Variants in CTNNA2 observed in about 807,000 individuals in gnomAD.
The protein encoded by CTNNA2 is catenin alpha-2.
Under a neutral mutation model 101.0 loss-of-function variants are expected in CTNNA2, and 42 were observed. That is an observed-to-expected ratio of 0.42 (90% CI 0.32 to 0.54). CTNNA2 has a LOEUF of 0.54. Among genes scored for constraint, CTNNA2 ranks in the 20% least tolerant of loss-of-function variants. CTNNA2 has a pLI of 0.14. For synonymous variants in CTNNA2, 450 were observed against 456.4 expected, an observed-to-expected ratio of 0.99 and a Z score of 0.18; for missense variants, 871 against 1,223.1, an observed-to-expected ratio of 0.71 and a Z score of 4.29.
intron 3 of CTNNA2, among the ~76,000 whole-genome samples, chr2:79,346,375 T>C (rs978256679): frequency 6.6e-6 from 1 of 152,198 alleles, no homozygotes; most frequent in Non-Finnish European, 1.5e-5. Context: ...CTTCAGCTAT[T>C]CATTCTTGAC....
chr2:79,794,234 T>A (rs1185077842), intron 3 of CTNNA2, among the ~76,000 whole-genome samples: 1 of 152,140 alleles, frequency 6.6e-6, no homozygotes, highest in Non-Finnish European at 1.5e-5. Flanking sequence ...AAAGCAGATA[T>A]AGGGATTTAT....
At chr2:79,296,457 C>A (rs1328907267) in intron 2 of CTNNA2, among the ~76,000 whole-genome samples, 1 of 152,136 alleles carries the variant, frequency 6.6e-6, no homozygotes, top group Non-Finnish European at 1.5e-5. Flanking sequence ...GTGGCTTTTT[C>A]TTATAAAGCA....
rs543801491 is a variant in CTNNA2, at chr2:79,369,349, C to T, written c.-317-4482C>T. 9.1e-4 allele frequency among the ~76,000 whole-genome samples: 138 copies of T among 152,296 alleles called. 1 individual carries two copies. The highest frequency in any genetic ancestry group is 6.8e-3 in the Middle Eastern group (2 of 294). ...AAGAACATGCACACTGAGCTTCCCC[C>T]GCAGCCCCCGAGCACTGCCAGCTGC... On this transcript the variant is annotated intron_variant, in intron 3 of 21. Transcript: ENST00000466387.
At chr2:79,917,565 C>T (rs1686339399) in intron 7 of CTNNA2, among the ~76,000 whole-genome samples, 1 of 152,170 alleles carries the variant, frequency 6.6e-6, no homozygotes, top group African/African-American at 2.4e-5. Flanking sequence ...AGGTAGATTT[C>T]ACTCTAACTC....
chr2:79,293,438 A>G (rs1196551086), intron 2 of CTNNA2, among the ~76,000 whole-genome samples: 1 of 152,174 alleles, frequency 6.6e-6, no homozygotes, highest in Non-Finnish European at 1.5e-5. Context: ...AGAAAATCAT[A>G]CTACAGTCCC....
intron 4 of CTNNA2, among the ~76,000 whole-genome samples, chr2:79,379,866 G>A (rs1573137669): frequency 6.6e-6 from 1 of 152,212 alleles, no homozygotes; most frequent in Admixed American, 6.5e-5. Flanking sequence ...AGAGAGGGTG[G>A]AAGAAAGATC....
At chr2:79,264,247 A>G (rs1426115966) in intron 2 of CTNNA2, among the ~76,000 whole-genome samples, 1 of 152,162 alleles carries the variant, frequency 6.6e-6, no homozygotes, top group Non-Finnish European at 1.5e-5. Flanking sequence ...TAAAGGGCTA[A>G]GGGTATGGTA....
intron 7 of CTNNA2, among the ~76,000 whole-genome samples, chr2:79,997,620 CCT>C (rs1421555993): frequency 2.6e-5 from 4 of 152,178 alleles, no homozygotes; most frequent in African/African-American, 9.6e-5. Flanking sequence ...TCTCAATTTC[CCT>C]CTCTGCGTAT....
intron 3 of CTNNA2, among the ~76,000 whole-genome samples, chr2:79,769,838 T>G (rs1168464904): frequency 6.6e-6 from 1 of 152,218 alleles, no homozygotes; most frequent in Non-Finnish European, 1.5e-5. Context: ...GCCTTTACCC[T>G]GAAGTCATCA....
At chr2:80,179,376 T>G (rs1705609996) in intron 7 of CTNNA2, among the ~76,000 whole-genome samples, 1 of 151,486 alleles carries the variant, frequency 6.6e-6, no homozygotes, top group Non-Finnish European at 1.5e-5. Context: ...TTTTTTTTTG[T>G]TTTTTTGTTT....
intron 2 of CTNNA2, among the ~76,000 whole-genome samples, chr2:79,280,656 T>TGTGTGTG (rs1337075035): frequency 8.3e-5 from 8 of 96,666 alleles, no homozygotes; most frequent in East Asian, 3.8e-4. Context: ...TGTGTGTGTG[T>TGTGTGTG]AAGAGAAAGA....
intron 1 of CTNNA2, among the ~76,000 whole-genome samples, chr2:79,578,027 C>A (rs1165083519): frequency 6.6e-6 from 1 of 150,852 alleles, no homozygotes; most frequent in African/African-American, 2.4e-5. Flanking sequence ...GGAATAATCA[C>A]TGAGGTGCAA....
chr2:79,748,980 G>T (rs1300174906), intron 3 of CTNNA2, among the ~76,000 whole-genome samples: 1 of 152,082 alleles, frequency 6.6e-6, no homozygotes, highest in Non-Finnish European at 1.5e-5. Flanking sequence ...TTTACTGGGG[G>T]GCTTACCTAC....
rs528741906 is a variant in CTNNA2, at chr2:80,415,400, G to A, written c.1138-4049G>A. ...CTGGAGTCAGCCCTTTCTCCATGAA[G>A]CTCTGTTTTTTTTGTTTTTTTCTTT... On this transcript the variant is annotated intron_variant, in intron 8 of 18. Transcript: ENST00000402739. Among the ~76,000 whole-genome samples, 9 of 152,182 alleles carry A rather than the reference G, an allele frequency of 5.9e-5. No homozygotes were observed. The South Asian group carries it at 1.9e-3, about 32-fold the overall frequency.
At chr2:80,493,398 A>G (rs1009169078) in intron 9 of CTNNA2, among the ~76,000 whole-genome samples, 2 of 152,194 alleles carry the variant, frequency 1.3e-5, no homozygotes, top group African/African-American at 4.8e-5. Flanking sequence ...CCCAGAGAAC[A>G]TGGAGAATAG....
chr2:80,459,240 A>G (rs1684228968), intron 9 of CTNNA2, among the ~76,000 whole-genome samples: 1 of 152,072 alleles, frequency 6.6e-6, no homozygotes, highest in Non-Finnish European at 1.5e-5. Flanking sequence ...TGATCCATGA[A>G]TTTAATTGGT....
chr2:79,842,346 A>G (rs1679886673), intron 3 of CTNNA2, among the ~76,000 whole-genome samples: 1 of 152,182 alleles, frequency 6.6e-6, no homozygotes, highest in Admixed American at 6.5e-5. Context: ...CTCTTCATGT[A>G]CGAAATGGGA....
intron 1 of CTNNA2, among the ~76,000 whole-genome samples, chr2:79,589,388 A>G (rs1430643315): frequency 1.3e-5 from 2 of 152,160 alleles, no homozygotes; most frequent in Non-Finnish European, 2.9e-5. Flanking sequence ...TCATTACAAT[A>G]CCCACTGGCT....
intron 3 of CTNNA2, among the ~76,000 whole-genome samples, chr2:79,349,924 A>T (rs377216665): frequency 6.6e-6 from 1 of 152,022 alleles, no homozygotes; most frequent in South Asian, 2.1e-4. Context: ...AAACACAAAA[A>T]TTAGCCAGGC....
Sources: gnomAD v4.1 joint callset for allele counts (sites outside exome capture counted in the v4.1 genomes callset) on GRCh38, gnomAD v4.1.1 for gene constraint, MANE v1.5 for transcripts, NCBI Gene and HGNC (gene_info 2026-07-23, HGNC 2026-07-21) for gene names.